Variants in STK4 observed in about 807,000 individuals in gnomAD.
STK4 encodes the protein serine/threonine-protein kinase 4.
A neutral mutation model predicts 64.9 loss-of-function variants in STK4; 30 were observed. That is an observed-to-expected ratio of 0.46 (90% CI 0.35 to 0.63). STK4 has a LOEUF of 0.63. STK4 is among the 20% of genes least tolerant of loss of function. The pLI, the probability that STK4 is intolerant of heterozygous loss-of-function variation, is 0.01. For synonymous variants in STK4, 177 were observed against 199.0 expected, an observed-to-expected ratio of 0.89 and a Z score of 0.93; for missense variants, 466 against 598.5, an observed-to-expected ratio of 0.78 and a Z score of 2.31.
chr20:45,035,426 T>C (rs2068512736), intron 10 of STK4, among the ~76,000 whole-genome samples: 1 of 152,182 alleles, frequency 6.6e-6, no homozygotes, highest in Admixed American at 6.5e-5. Context: ...CACAATACTT[T>C]TCAGTCAGTT....
chr20:45,065,105 T>C (rs1000012317), intron 10 of STK4, among the ~76,000 whole-genome samples: 4 of 152,068 alleles, frequency 2.6e-5, no homozygotes, highest in Non-Finnish European at 5.9e-5. Context: ...GGTATTACTA[T>C]TTTGAAGTAG....
At chr20:45,020,867 A>G (rs1242376866) in intron 9 of STK4, among the ~76,000 whole-genome samples, 1 of 151,538 alleles carries the variant, frequency 6.6e-6, no homozygotes, top group Admixed American at 6.6e-5. Context: ...GCTGGAGTAC[A>G]GTTGTGCGAT....
At chr20:44,968,369 C>A (rs2067188539) in intron 1 of STK4, among the ~76,000 whole-genome samples, 1 of 152,216 alleles carries the variant, frequency 6.6e-6, no homozygotes, top group Non-Finnish European at 1.5e-5. Context: ...TATCTCCTGA[C>A]CTCGTGATCC....
chr20:44,986,073 T>C (rs184234378), intron 4 of STK4, among the ~76,000 whole-genome samples: 1 of 152,364 alleles, frequency 6.6e-6, no homozygotes, highest in Non-Finnish European at 1.5e-5. Context: ...GTGCCTACTG[T>C]GTGCCAGGTG....
intron 9 of STK4, among the ~76,000 whole-genome samples, chr20:45,011,925 G>GGA (rs1341976568): frequency 4.6e-5 from 7 of 150,912 alleles, no homozygotes; most frequent in Non-Finnish European, 3.0e-5. Context: ...CTTTGATCCT[G>GGA]TCACCTTCTC....
chr20:45,045,411 C>T (rs180769250), intron 10 of STK4, among the ~76,000 whole-genome samples: 1 of 152,286 alleles, frequency 6.6e-6, no homozygotes, highest in East Asian at 1.9e-4. Flanking sequence ...TGCGTTAATT[C>T]ATAAGTGTGT....
chr20:45,012,016 TA>T (rs2068060045), intron 9 of STK4, among the ~76,000 whole-genome samples: 1 of 151,678 alleles, frequency 6.6e-6, no homozygotes, highest in Non-Finnish European at 1.5e-5. Context: ...TCTTGAAATT[TA>T]TATCACTCTT....
intron 9 of STK4, among the ~76,000 whole-genome samples, chr20:45,005,910 A>C (rs907485776): frequency 4.6e-5 from 7 of 150,970 alleles, no homozygotes; most frequent in African/African-American, 1.7e-4. Context: ...TTCTAAGTGG[A>C]CTCTTATTTT....
At chr20:45,026,318 A>AGTGT (rs113148879) in intron 10 of STK4, among the ~76,000 whole-genome samples, 7,057 of 145,724 alleles carry the variant, frequency 0.048, 196 homozygotes, top group Non-Finnish European at 0.058. Flanking sequence ...AGACAGAAAG[A>AGTGT]GTGTGTGTGT....
chr20:45,058,450 G>A (rs567291415), intron 10 of STK4, among the ~76,000 whole-genome samples: 1 of 152,106 alleles, frequency 6.6e-6, no homozygotes, highest in Non-Finnish European at 1.5e-5. Flanking sequence ...TTGTATTCTT[G>A]ACAAGTTTTC....
At chr20:45,001,041 G>A in intron 8 of STK4, 126 bp from the exon 9 acceptor site, 2 of 1,036,278 alleles carry the variant, frequency 1.9e-6, no homozygotes, top group Non-Finnish European at 2.7e-6. Context: ...ATTTCTGGAA[G>A]GTGAGTTTAG....
At chr20:45,055,113 T>C (rs960795715) in intron 10 of STK4, among the ~76,000 whole-genome samples, 1 of 152,162 alleles carries the variant, frequency 6.6e-6, no homozygotes, top group African/African-American at 2.4e-5. Context: ...AGGAGTGACC[T>C]TGTTACTCTG....
chr20:45,017,336 G>A (rs569774067), intron 9 of STK4, among the ~76,000 whole-genome samples: 48 of 152,290 alleles, frequency 3.2e-4, no homozygotes, highest in Middle Eastern at 3.4e-3. Context: ...ATGATGCGAC[G>A]TAGGAGAAAG....
chr20:44,978,956 G>A (rs539077022), intron 3 of STK4, among the ~76,000 whole-genome samples: 1 of 151,772 alleles, frequency 6.6e-6, no homozygotes. Flanking sequence ...GTGCCACTAC[G>A]CCCAGCTAAT....
chr20:44,970,765 A>G (rs952624793), intron 1 of STK4, among the ~76,000 whole-genome samples: 3 of 152,158 alleles, frequency 2.0e-5, no homozygotes, highest in African/African-American at 7.2e-5. Flanking sequence ...TTCATAAACT[A>G]TAAGATTGTC....
rs979433552 is a variant in STK4 at position 45,078,859 on chromosome 20, G to A, written c.*3683G>A. 2 of 152,342 alleles carry A rather than the reference G, an allele frequency of 1.3e-5. No homozygotes were observed. Among genetic ancestry groups the A allele is most frequent in the East Asian group, 3.8e-4 (2 of 5,202 alleles). 9.4% of individuals were successfully genotyped at this position (152,342 alleles called of 1,614,324 possible). A position where few individuals can be genotyped will look rare whatever the true frequency, so the allele number is the denominator to read the frequency against. On this transcript the variant is annotated 3_prime_UTR_variant, in exon 11 of 11. Transcript: ENST00000372806. ...AGTCTTTTAAATATCAGGAAGGAGA[G>A]AAGCGACATCATGATACATCCTATG...
At chr20:45,018,020 G>T (rs2068175052) in intron 9 of STK4, among the ~76,000 whole-genome samples, 1 of 152,136 alleles carries the variant, frequency 6.6e-6, no homozygotes, top group South Asian at 2.1e-4. Context: ...CAGCTACTTG[G>T]ATAGTAACCA....
chr20:45,005,350 T>TA (rs1179670062), intron 9 of STK4, among the ~76,000 whole-genome samples: 1 of 151,942 alleles, frequency 6.6e-6, no homozygotes, highest in Non-Finnish European at 1.5e-5. Flanking sequence ...ACCAGGTTTT[T>TA]AAAAAACATT....
intron 1 of STK4, among the ~76,000 whole-genome samples, chr20:44,971,302 A>C (rs2067241503): frequency 6.6e-6 from 1 of 152,154 alleles, no homozygotes; most frequent in Non-Finnish European, 1.5e-5. Context: ...GGACTAGTCA[A>C]AGGTATGTAT....
Sources: allele counts gnomAD v4.1 joint callset (sites outside exome capture counted in the v4.1 genomes callset), GRCh38; gene constraint gnomAD v4.1.1; transcripts MANE v1.5; gene names NCBI Gene and HGNC (gene_info 2026-07-23, HGNC 2026-07-21).